The following PACRG variants were observed in gnomAD, a reference collection of about 807,000 sequenced individuals.
The protein encoded by PACRG is parkin coregulated, also known as parkin coregulated gene protein.
Under a neutral mutation model 29.7 loss-of-function variants are expected in PACRG, and 29 were observed. That is an observed-to-expected ratio of 0.98 (90% CI 0.73 to 1.33). PACRG has a LOEUF of 1.33. Ranked by LOEUF, PACRG falls within the 40% of genes most tolerant of loss-of-function variation. PACRG has a pLI of 0.00. For synonymous variants in PACRG, 116 were observed against 118.7 expected, an observed-to-expected ratio of 0.98 and a Z score of 0.15; for missense variants, 279 against 316.2, an observed-to-expected ratio of 0.88 and a Z score of 0.89.
At chr6:162,830,706 T>G (rs1012983203) in intron 2 of PACRG, among the ~76,000 whole-genome samples, 1 of 152,092 alleles carries the variant, frequency 6.6e-6, no homozygotes, top group African/African-American at 2.4e-5. Flanking sequence ...GCAGGCATGG[T>G]GGGGGGTAGA....
chr6:162,778,160 G>A (rs1462467295), intron 1 of PACRG, among the ~76,000 whole-genome samples: 2 of 152,132 alleles, frequency 1.3e-5, no homozygotes, highest in South Asian at 2.1e-4. Flanking sequence ...CACGATGCAC[G>A]GTGGCAGAGC....
At chr6:162,930,889 A>G (rs377505074) in intron 2 of PACRG, among the ~76,000 whole-genome samples, 4 of 151,840 alleles carry the variant, frequency 2.6e-5, no homozygotes, top group African/African-American at 7.2e-5. Flanking sequence ...ATTGAGTTGT[A>G]TATGTGGAAA....
chr6:163,077,505 G>A (rs984368308), intron 3 of PACRG, among the ~76,000 whole-genome samples: 1 of 152,060 alleles, frequency 6.6e-6, no homozygotes, highest in Non-Finnish European at 1.5e-5. Flanking sequence ...ACACCACCGA[G>A]TAAGAATGAA....
chr6:162,728,148 A>G lies in PACRG; in HGVS notation c.-88A>G, dbSNP rs1383556881. ...TTCTACCATTATCGCGCCTTTTGATATTTTTTTCCAGACCTCCTGCTCACA... is the reference window on the plus strand; with the variant it reads ...TTCTACCATTATCGCGCCTTTTGATGTTTTTTTCCAGACCTCCTGCTCACA... On this transcript the variant is annotated 5_prime_UTR_variant, in exon 1 of 5. It adds an upstream start codon to the 5' untranslated region. Coordinates refer to ENST00000366888, the MANE Select transcript of PACRG (RefSeq NM_001080379.2). 6.8e-7 allele frequency: 1 copy of G among 1,476,188 alleles called. No individual in the cohort carries two copies. The highest frequency in any genetic ancestry group is 1.8e-4 in the Middle Eastern group (1 of 5,582). 91.4% of individuals were successfully genotyped at this position (1,476,188 alleles called of 1,614,324 possible).
intron 4 of PACRG, among the ~76,000 whole-genome samples, chr6:163,253,044 C>T (rs1782969396): frequency 1.3e-5 from 2 of 152,092 alleles, no homozygotes; most frequent in Non-Finnish European, 2.9e-5. Context: ...TACCTGTAAT[C>T]CCAGCACTTT....
chr6:163,166,189 T>A (rs1197274823), intron 4 of PACRG: 1 of 456,316 alleles, frequency 2.2e-6, no homozygotes, highest in South Asian at 1.5e-5. Context: ...TTCCTCTGCA[T>A]CTGCCGAGGG....
chr6:163,314,924 A>G lies in PACRG; in HGVS notation c.711A>G (p.Gly237=), dbSNP rs1411681666. The G allele has an allele frequency of 1.9e-6, 3 of 1,614,210 alleles. No individual in the cohort carries two copies. In the Admixed American group the frequency reaches 5.0e-5, roughly 27 times the overall value. The change falls in exon 5 of 5, where the codon GGA becomes GGG. Residue 237 remains glycine (G), a synonymous_variant. Transcript: ENST00000366888. ...ETLEAFERYG[G]ENAFINIKYV... Reference sequence around the variant, plus strand: ...TGGAGGCCTTCGAGCGCTACGGAGGAGAAAATGCCTTTATCAACATTAAGT... The same window carrying G: ...TGGAGGCCTTCGAGCGCTACGGAGGGGAAAATGCCTTTATCAACATTAAGT...
rs1163860895 is a variant in PACRG at position 163,062,191 on chromosome 6, G to T, written c.333G>T (p.Leu111=). The T allele has an allele frequency of 1.2e-6, 2 of 1,614,086 alleles. No individual in the cohort carries two copies. ...EKLDYHHYLP[L]FFDGLCEMTF... ...TGGATTACCATCATTATCTGCCTCTGTTTTTTGATGGGCTTTGTGAAATGA... is the reference window on the plus strand; with the variant it reads ...TGGATTACCATCATTATCTGCCTCTTTTTTTTGATGGGCTTTGTGAAATGA... The change falls in exon 3 of 5, where the codon CTG becomes CTT. Residue 111 remains leucine, a synonymous_variant. Transcript: ENST00000366888.
intron 2 of PACRG, among the ~76,000 whole-genome samples, chr6:162,983,447 CA>C (rs1802603430): frequency 6.6e-6 from 1 of 151,658 alleles, no homozygotes. Flanking sequence ...TGGGGTATTT[CA>C]AGGTTTTGTT....
upstream of PACRG, chr6:162,727,145 G>A (rs1477050373): frequency 1.3e-5 from 2 of 153,694 alleles, no homozygotes; most frequent in African/African-American, 4.8e-5. Flanking sequence ...TCTATCTGGA[G>A]GAGTTTCTGT....
At chr6:162,843,078 G>C (rs1789954819) in intron 2 of PACRG, among the ~76,000 whole-genome samples, 1 of 148,958 alleles carries the variant, frequency 6.7e-6, no homozygotes, top group South Asian at 2.2e-4. Context: ...ATGTGTCTTG[G>C]AGTTGGCTCT....
intron 1 of PACRG, among the ~76,000 whole-genome samples, chr6:162,768,517 A>T (rs911160993): frequency 1.3e-5 from 2 of 152,056 alleles, no homozygotes; most frequent in Non-Finnish European, 2.9e-5. Flanking sequence ...TTTATTTTCA[A>T]GTATTATATC....
intron 2 of PACRG, among the ~76,000 whole-genome samples, chr6:162,954,512 T>A (rs567903588): frequency 0.045 from 6,908 of 152,202 alleles, 549 homozygotes; most frequent in African/African-American, 0.16. Flanking sequence ...ATTATTTTTT[T>A]ACTGCACAAC....
intron 2 of PACRG, among the ~76,000 whole-genome samples, chr6:162,885,235 C>CCT (rs751709252): frequency 7.1e-6 from 1 of 141,734 alleles, no homozygotes; most frequent in Non-Finnish European, 1.5e-5. Context: ...TTTGAGTAAC[C>CCT]TTTTTTTTTT....
At position 162,852,366 on chromosome 6, in the gene PACRG, C is replaced by T. The variant is rs570440410; in HGVS notation, c.291+38085C>T. 1.9e-3 allele frequency among the ~76,000 whole-genome samples: 289 copies of T among 152,272 alleles called. 1 individual carries two copies. Among genetic ancestry groups the T allele is most frequent in the African/African-American group, 6.8e-3 (284 of 41,560 alleles). ...AGGAACTGGCACCAGCACTACTGACCCCCGGGGGCCAGGGTGCTGCCAGCA... is the reference window on the plus strand; with the variant it reads ...AGGAACTGGCACCAGCACTACTGACTCCCGGGGGCCAGGGTGCTGCCAGCA... On this transcript the variant is annotated intron_variant, in intron 2 of 4. Transcript: ENST00000366888.
intron 4 of PACRG, among the ~76,000 whole-genome samples, chr6:163,161,897 G>T (rs1457358390): frequency 1.3e-5 from 2 of 152,168 alleles, no homozygotes; most frequent in Non-Finnish European, 2.9e-5. Flanking sequence ...GTAGGCATGT[G>T]TTTGTTGTAG....
At position 162,735,059 on chromosome 6, in the gene PACRG, C is replaced by T. The variant is rs188112477; in HGVS notation, c.156+6668C>T. ...TGAGATTCACCCACATTATTGCATA[C>T]AACTATAGTTGTAAGTAAATCCTTC... On this transcript the variant is annotated intron_variant, in intron 1 of 4. Coordinates refer to ENST00000366888, the MANE Select transcript of PACRG (RefSeq NM_001080379.2). Among the ~76,000 whole-genome samples, 22 of 152,332 alleles carry T rather than the reference C, an allele frequency of 1.4e-4. No individual in the cohort carries two copies. In the East Asian group the frequency reaches 3.9e-3, roughly 27 times the overall value.
intron 4 of PACRG, among the ~76,000 whole-genome samples, chr6:163,291,558 A>T (rs1784611823): frequency 6.6e-6 from 1 of 152,258 alleles, no homozygotes; most frequent in Non-Finnish European, 1.5e-5. Flanking sequence ...TTCTCTTCAT[A>T]TTCCTTTTCC....
At chr6:163,184,284 T>G (rs1171539870) in intron 4 of PACRG, among the ~76,000 whole-genome samples, 2 of 152,212 alleles carry the variant, frequency 1.3e-5, no homozygotes, top group African/African-American at 4.8e-5. Context: ...GCATTTCTTG[T>G]TCAGTTTAGG....
Sources: gnomAD v4.1 joint callset for allele counts (sites outside exome capture counted in the v4.1 genomes callset) on GRCh38, gnomAD v4.1.1 for gene constraint, MANE v1.5 for transcripts, NCBI Gene and HGNC (gene_info 2026-07-23, HGNC 2026-07-21) for gene names.